Variants in TTC28 observed in about 807,000 individuals in gnomAD.
TTC28 encodes tetratricopeptide repeat domain 28.
Under a neutral mutation model 198.0 loss-of-function variants are expected in TTC28, and 61 were observed. That is an observed-to-expected ratio of 0.31 (90% CI 0.25 to 0.38). The LOEUF is 0.38. Ranked by LOEUF, TTC28 falls within the 10% of genes least tolerant of loss-of-function variation. The pLI, the probability that TTC28 is intolerant of heterozygous loss-of-function variation, is 1.00. For synonymous variants in TTC28, 1,171 were observed against 1,297.8 expected (o/e 0.90, Z 2.10); for missense variants, 2,678 against 3,164.0 (o/e 0.85, Z 3.69).
At chr22:28,295,196 T>C (rs1414363121) in intron 5 of TTC28, among the ~76,000 whole-genome samples, 2 of 152,228 alleles carry the variant, frequency 1.3e-5, no homozygotes, top group Non-Finnish European at 2.9e-5. Context: ...TCCTAGTGCC[T>C]GACCATGTTC....
At chr22:28,254,924 A>G (rs1407838443) in intron 5 of TTC28, among the ~76,000 whole-genome samples, 1 of 152,226 alleles carries the variant, frequency 6.6e-6, no homozygotes, top group African/African-American at 2.4e-5. Flanking sequence ...AAACCTTGTC[A>G]TCTGCCTTCT....
Position 28,542,854 on chromosome 22 carries a change from A to G in TTC28, c.381+86698T>C, listed in dbSNP as rs557761213. On this transcript the variant is annotated intron_variant, in intron 2 of 22. Transcript: ENST00000397906. Reference sequence around the variant, plus strand: ...AAGTCAAGTCCAAAATCAATGATAGAAAAACAAAGTAAGTAGAAAGAAAAC... The same window carrying G: ...AAGTCAAGTCCAAAATCAATGATAGGAAAACAAAGTAAGTAGAAAGAAAAC... Among the ~76,000 whole-genome samples the G allele has an allele frequency of 1.6e-3, 237 of 152,302 alleles. 11 individuals carry two copies. The South Asian group carries it at 0.048, about 31-fold the overall frequency.
At chr22:28,425,618 T>C (rs1357298012) in intron 2 of TTC28, among the ~76,000 whole-genome samples, 1 of 152,204 alleles carries the variant, frequency 6.6e-6, no homozygotes, top group Non-Finnish European at 1.5e-5. Context: ...GATTCATTGA[T>C]CAAGTGATCA....
chr22:28,056,128 T>G (rs1254611466), intron 12 of TTC28: 1 of 152,234 alleles, frequency 6.6e-6, no homozygotes, highest in African/African-American at 2.4e-5. Context: ...TTTACTGCCT[T>G]GATTCTATCA....
intron 3 of TTC28, among the ~76,000 whole-genome samples, chr22:28,299,242 T>TAA (rs60581127): frequency 2.9e-4 from 42 of 145,578 alleles, no homozygotes; most frequent in African/African-American, 6.8e-4. Flanking sequence ...TATGCACATG[T>TAA]AAAAAAAAAA....
At chr22:28,305,757 T>C (rs1245313425) in intron 3 of TTC28, among the ~76,000 whole-genome samples, 2 of 152,188 alleles carry the variant, frequency 1.3e-5, no homozygotes, top group African/African-American at 4.8e-5. Flanking sequence ...TAGCAATTGC[T>C]ATACATACTT....
chr22:28,591,687 C>T (rs899263136), intron 2 of TTC28, among the ~76,000 whole-genome samples: 1 of 152,172 alleles, frequency 6.6e-6, no homozygotes, highest in African/African-American at 2.4e-5. Flanking sequence ...TGTAGTAAAA[C>T]CTCAAAACCA....
intron 2 of TTC28, among the ~76,000 whole-genome samples, chr22:28,347,271 GA>G (rs201082591): frequency 1.6e-3 from 184 of 115,816 alleles, no homozygotes; most frequent in Middle Eastern, 4.3e-3. Context: ...CTCAAAAGAG[GA>G]AAAAAAAAAA....
chr22:28,352,232 T>A (rs2046007420), intron 2 of TTC28, among the ~76,000 whole-genome samples: 1 of 151,806 alleles, frequency 6.6e-6, no homozygotes, highest in Non-Finnish European at 1.5e-5. Context: ...ATACCAACTA[T>A]GTGCAAAGTA....
At chr22:28,513,809 A>G (rs1191016058) in intron 2 of TTC28, among the ~76,000 whole-genome samples, 4 of 152,114 alleles carry the variant, frequency 2.6e-5, no homozygotes, top group Non-Finnish European at 5.9e-5. Context: ...ATATATGTGT[A>G]TATGTATATT....
At chr22:28,271,603 C>T (rs987655633) in intron 5 of TTC28, among the ~76,000 whole-genome samples, 1 of 151,926 alleles carries the variant, frequency 6.6e-6, no homozygotes, top group Non-Finnish European at 1.5e-5. Flanking sequence ...ATAAGCCTAA[C>T]GAGATCTGGT....
intron 5 of TTC28, among the ~76,000 whole-genome samples, chr22:28,200,684 A>G (rs912445636): frequency 6.6e-6 from 1 of 152,090 alleles, no homozygotes; most frequent in Non-Finnish European, 1.5e-5. Context: ...TGTGTAACAA[A>G]CAGGTGGAAT....
chr22:28,356,912 C>T (rs987928111), intron 2 of TTC28, among the ~76,000 whole-genome samples: 1 of 152,174 alleles, frequency 6.6e-6, no homozygotes, highest in African/African-American at 2.4e-5. Flanking sequence ...CAGCACAAGA[C>T]CTCCTTCTGA....
intron 12 of TTC28, among the ~76,000 whole-genome samples, chr22:28,038,371 T>C (rs1272511667): frequency 6.6e-6 from 1 of 152,220 alleles, no homozygotes; most frequent in Admixed American, 6.5e-5. Context: ...GCTACACATC[T>C]ACAACTATCT....
chr22:28,669,619 A>C (rs535134852), intron 1 of TTC28, among the ~76,000 whole-genome samples: 8 of 152,324 alleles, frequency 5.3e-5, no homozygotes, highest in Admixed American at 3.9e-4. Flanking sequence ...ATTTGGCAAA[A>C]TAATCTCATA....
At chr22:28,300,426 T>C (rs1279016930) in intron 3 of TTC28, among the ~76,000 whole-genome samples, 2 of 152,070 alleles carry the variant, frequency 1.3e-5, no homozygotes, top group Non-Finnish European at 2.9e-5. Flanking sequence ...AGAGTGAACA[T>C]TGCCACAGAA....
intron 12 of TTC28, among the ~76,000 whole-genome samples, chr22:28,047,010 T>A (rs1316826547): frequency 6.6e-6 from 1 of 152,092 alleles, no homozygotes; most frequent in Non-Finnish European, 1.5e-5. Context: ...TCCACCTAGA[T>A]CAGTGGTCAG....
intron 2 of TTC28, among the ~76,000 whole-genome samples, chr22:28,437,236 C>A (rs1374778485): frequency 6.6e-6 from 1 of 152,066 alleles, no homozygotes. Context: ...GCATGCACCA[C>A]TATTCCTGGC....
At chr22:28,112,339 G>T (rs888291571) in intron 6 of TTC28, among the ~76,000 whole-genome samples, 17 of 152,146 alleles carry the variant, frequency 1.1e-4, no homozygotes, top group Non-Finnish European at 2.5e-4. Context: ...GGATGATAAT[G>T]GCTACCCAGG....
Sources: allele counts gnomAD v4.1 joint callset (sites outside exome capture counted in the v4.1 genomes callset), GRCh38; gene constraint gnomAD v4.1.1; transcripts MANE v1.5; gene names NCBI Gene and HGNC (gene_info 2026-07-23, HGNC 2026-07-21).